Variants in ARMH4 observed in about 807,000 individuals in gnomAD.
The protein encoded by ARMH4 is armadillo like helical domain containing 4.
In ARMH4, 49 loss-of-function variants were observed where a neutral mutation model predicts 61.9. The ratio of observed to expected loss-of-function variants is 0.79; its 90% CI spans 0.63 to 1.00. The LOEUF is 1.00. Among genes scored for constraint, ARMH4 ranks in the 50% least tolerant of loss-of-function variants. The pLI is 0.00. For synonymous variants in ARMH4, 368 were observed against 341.5 expected, an observed-to-expected ratio of 1.08 and a Z score of -0.85; for missense variants, 934 against 930.0, an observed-to-expected ratio of 1.00 and a Z score of -0.06.
chr14:58,063,819 G>A (rs574373561), intron 5 of ARMH4, among the ~76,000 whole-genome samples: 5 of 152,198 alleles, frequency 3.3e-5, no homozygotes, highest in African/African-American at 1.2e-4. Flanking sequence ...GGCAAGCAGT[G>A]GCATAAACAA....
At chr14:58,083,385 G>T (rs1483253801) in intron 5 of ARMH4, among the ~76,000 whole-genome samples, 4 of 152,164 alleles carry the variant, frequency 2.6e-5, no homozygotes, top group Admixed American at 2.6e-4. Context: ...TTTGAGACCA[G>T]CTTGGCCAAT....
At chr14:58,148,705 C>T (rs996254229) in intron 1 of ARMH4, among the ~76,000 whole-genome samples, 1 of 152,036 alleles carries the variant, frequency 6.6e-6, no homozygotes, top group Non-Finnish European at 1.5e-5. Flanking sequence ...TTTTTAATGA[C>T]ATTTCATGGT....
chr14:58,090,326 C>A (rs966862942), intron 5 of ARMH4, among the ~76,000 whole-genome samples: 1 of 152,106 alleles, frequency 6.6e-6, no homozygotes, highest in African/African-American at 2.4e-5. Context: ...AATAATTTAA[C>A]AAGATTGATC....
intron 4 of ARMH4, among the ~76,000 whole-genome samples, chr14:58,116,851 G>C (rs1886546458): frequency 1.3e-5 from 2 of 152,140 alleles, no homozygotes; most frequent in African/African-American, 4.8e-5. Context: ...TCAGCCATGA[G>C]CCCATATAAT....
chr14:58,009,807 CAAAAAAA>C (rs1180997628), intron 6 of ARMH4, among the ~76,000 whole-genome samples: 7 of 46,820 alleles, frequency 1.5e-4, no homozygotes, highest in South Asian at 2.0e-3. Flanking sequence ...CAAGACTCTG[CAAAAAAA>C]AAAAAAAAAA....
intron 5 of ARMH4, among the ~76,000 whole-genome samples, chr14:58,035,048 G>A (rs1883423456): frequency 7.1e-6 from 1 of 140,342 alleles, no homozygotes; most frequent in Non-Finnish European, 1.6e-5. Flanking sequence ...TCTGCACCAA[G>A]CGGACCTAAT....
chr14:58,096,271 A>C (rs1243292344), intron 5 of ARMH4, among the ~76,000 whole-genome samples: 1 of 152,242 alleles, frequency 6.6e-6, no homozygotes, highest in Non-Finnish European at 1.5e-5. Flanking sequence ...AGATTCCCAA[A>C]GGACAGAGCG....
chr14:58,117,928 A>T (rs1450147155), intron 4 of ARMH4, among the ~76,000 whole-genome samples: 1 of 45,838 alleles, frequency 2.2e-5, no homozygotes, highest in Non-Finnish European at 7.0e-5. Flanking sequence ...CCAGCTAATT[A>T]AAAAAAAAAA....
In ARMH4 at chr14:58,138,384, T is replaced by C. The variant is rs1594779965; in HGVS notation, c.975A>G (p.Ile325Met). The C allele has an allele frequency of 2.5e-6, 4 of 1,614,176 alleles. No homozygotes were observed. In the African/African-American group the frequency reaches 4.0e-5, roughly 16 times the overall value. ...DDTKLESVSR[I>M]RTPKLGDNEE... Reference sequence around the variant, plus strand: ...CATTGTCTCCAAGCTTGGGGGTCCTTATCCGGCTTACACTCTCTAATTTGG... The same window carrying C: ...CATTGTCTCCAAGCTTGGGGGTCCTCATCCGGCTTACACTCTCTAATTTGG... The change falls in exon 2 of 8, where the codon ATA becomes ATG. Residue 325 changes from isoleucine to methionine, a missense_variant. By Grantham distance (10) the Ile-to-Met change is conservative. Transcript: ENST00000267485.
chr14:58,146,918 C>T (rs1887748723), intron 1 of ARMH4, among the ~76,000 whole-genome samples: 1 of 152,202 alleles, frequency 6.6e-6, no homozygotes, highest in Admixed American at 6.5e-5. Flanking sequence ...ATGAGCATCG[C>T]CCCAAGAGTG....
chr14:58,132,350 A>T (rs1469987489), intron 3 of ARMH4, among the ~76,000 whole-genome samples: 1 of 152,230 alleles, frequency 6.6e-6, no homozygotes, highest in African/African-American at 2.4e-5. Context: ...GGCATTATTT[A>T]GAGGTGAACA....
intron 4 of ARMH4, among the ~76,000 whole-genome samples, chr14:58,127,413 T>C (rs868084954): frequency 4.6e-5 from 7 of 152,174 alleles, no homozygotes; most frequent in Non-Finnish European, 8.8e-5. Context: ...TGCTGTCATA[T>C]AAGATGTAAC....
chr14:58,096,068 T>C (rs959779046), intron 5 of ARMH4, among the ~76,000 whole-genome samples: 1 of 152,142 alleles, frequency 6.6e-6, no homozygotes, highest in Non-Finnish European at 1.5e-5. Context: ...AGGAGCGGCC[T>C]GCATCCTCCA....
At chr14:58,114,757 C>A (rs957340324) in intron 4 of ARMH4, among the ~76,000 whole-genome samples, 1 of 151,878 alleles carries the variant, frequency 6.6e-6, no homozygotes, top group African/African-American at 2.4e-5. Flanking sequence ...TTAAATATTA[C>A]CTTCTAATAG....
rs539741006 is a variant in ARMH4, at chr14:58,120,935, T to C, written c.1831+10577A>G. Among the ~76,000 whole-genome samples, 10 of 152,294 alleles carry C rather than the reference T, an allele frequency of 6.6e-5. No homozygotes were observed. The South Asian group carries it at 1.7e-3, about 25-fold the overall frequency. The stretch of plus-strand genomic sequence containing the variant: ...TTATATTTTCTTCCTTGTCTCATAA[T>C]GTTATGCCAGAGTCAAGTTGGAAAG... On this transcript the variant is annotated intron_variant, in intron 4 of 7. Coordinates refer to ENST00000267485, the MANE Select transcript of ARMH4 (RefSeq NM_001001872.4).
chr14:58,130,494 C>T (rs936924711), intron 4 of ARMH4, among the ~76,000 whole-genome samples: 5 of 152,184 alleles, frequency 3.3e-5, no homozygotes, highest in African/African-American at 1.2e-4. Context: ...ACCAGTGTTC[C>T]AGATTAGTTT....
Position 58,135,321 on chromosome 14 carries a change from T to C in ARMH4, c.1370-1980A>G, listed in dbSNP as rs1887267022. On this transcript the variant is annotated intron_variant, in intron 2 of 7. Coordinates refer to ENST00000267485, the MANE Select transcript of ARMH4 (RefSeq NM_001001872.4). ...AGAGCCAGGATTCATTGTCTTTCTG[T>C]ACCTCTAGCACATAGGGCAATGCTC... 1.3e-5 allele frequency among the ~76,000 whole-genome samples: 2 copies of C among 152,210 alleles called. 1 individual carries two copies. Among genetic ancestry groups the C allele is most frequent in the East Asian group, 3.9e-4 (2 of 5,194 alleles).
chr14:58,029,485 C>T (rs1285414668), intron 5 of ARMH4, among the ~76,000 whole-genome samples: 2 of 152,150 alleles, frequency 1.3e-5, no homozygotes, highest in Admixed American at 6.5e-5. Context: ...CCGCCTACCT[C>T]GGCCTCCCAA....
At chr14:58,090,772 CG>C (rs1244663346) in intron 5 of ARMH4, among the ~76,000 whole-genome samples, 11 of 149,990 alleles carry the variant, frequency 7.3e-5, no homozygotes, top group Admixed American at 4.0e-4. Flanking sequence ...CCCAGCTACT[CG>C]GGCTGCTGAA....
Sources: gnomAD v4.1 joint callset for allele counts (sites outside exome capture counted in the v4.1 genomes callset) on GRCh38, gnomAD v4.1.1 for gene constraint, MANE v1.5 for transcripts, NCBI Gene and HGNC (gene_info 2026-07-23, HGNC 2026-07-21) for gene names.